DPYS: variants seen among roughly 807,000 people sequenced by gnomAD.
The protein encoded by DPYS is dihydropyrimidine amidohydrolase.
DPYS carries 39 observed loss-of-function variants against 50.3 expected under a neutral mutation model. That is an observed-to-expected ratio of 0.78 (90% CI 0.60 to 1.01). The LOEUF (loss-of-function observed/expected upper bound fraction) is 1.01, where lower values mean the gene tolerates loss of function less well. Ranked by LOEUF, DPYS falls within the 50% of genes least tolerant of loss-of-function variation. DPYS has a pLI of 0.00. For synonymous variants in DPYS, 245 were observed against 250.7 expected, an observed-to-expected ratio of 0.98 and a Z score of 0.22; for missense variants, 659 against 680.9, an observed-to-expected ratio of 0.97 and a Z score of 0.36.
chr8:104,459,362 A>G (rs372152174), intron 1 of DPYS, among the ~76,000 whole-genome samples: 5 of 152,336 alleles, frequency 3.3e-5, no homozygotes, highest in Middle Eastern at 3.4e-3. Context: ...ATTTATTATC[A>G]AAGTCCAGAC....
chr8:104,399,551 A>G (rs1364074716), intron 7 of DPYS, among the ~76,000 whole-genome samples: 1 of 151,994 alleles, frequency 6.6e-6, no homozygotes, highest in Non-Finnish European at 1.5e-5. Flanking sequence ...TTCTGGTGTC[A>G]GCACCCCAGT....
At chr8:104,426,045 T>C (rs1406477298) in intron 6 of DPYS, among the ~76,000 whole-genome samples, 1 of 152,126 alleles carries the variant, frequency 6.6e-6, no homozygotes, top group Non-Finnish European at 1.5e-5. Flanking sequence ...AAAACAGAAG[T>C]TCAAGTGGAA....
At chr8:104,395,432 C>G (rs1487878136) in intron 7 of DPYS, among the ~76,000 whole-genome samples, 1 of 152,214 alleles carries the variant, frequency 6.6e-6, no homozygotes, top group Non-Finnish European at 1.5e-5. Context: ...AGTGATACCA[C>G]TACCCTAGAC....
intron 4 of DPYS, among the ~76,000 whole-genome samples, chr8:104,434,524 C>T (rs1813062455): frequency 6.6e-6 from 1 of 152,174 alleles, no homozygotes; most frequent in Non-Finnish European, 1.5e-5. Flanking sequence ...TTTTGGTTTA[C>T]ACCTCTCTGC....
At chr8:104,447,151 G>C (rs1224583391) in intron 3 of DPYS, among the ~76,000 whole-genome samples, 173 bp downstream of exon 3, 2 of 152,182 alleles carry the variant, frequency 1.3e-5, no homozygotes, top group Non-Finnish European at 1.5e-5. Flanking sequence ...CAAGGAAATG[G>C]AGTTGGGAGT....
intron 4 of DPYS, among the ~76,000 whole-genome samples, chr8:104,431,801 A>G (rs2140656697): frequency 6.6e-6 from 1 of 152,324 alleles, no homozygotes; most frequent in South Asian, 2.1e-4. Context: ...TAATGTGCTC[A>G]ACACACACTG....
intron 7 of DPYS, among the ~76,000 whole-genome samples, chr8:104,412,600 TTCATA>T (rs1812222645): frequency 1.3e-5 from 2 of 152,156 alleles, no homozygotes; most frequent in Non-Finnish European, 2.9e-5. Context: ...TCCTCCCCCA[TTCATA>T]TTCCAGCTCC....
intron 7 of DPYS, chr8:104,420,618 T>C (rs971956550): frequency 6.8e-6 from 1 of 146,496 alleles, no homozygotes; most frequent in African/African-American, 2.5e-5. Context: ...AGAAGCAAGA[T>C]ATAGAGTAAG....
Position 104,392,789 on chromosome 8 carries a change from C to T in DPYS, c.1438G>A (p.Asp480Asn). The T allele has an allele frequency of 6.2e-7, 1 of 1,614,112 alleles. No individual in the cohort carries two copies. The highest frequency in any genetic ancestry group is 8.5e-7 in the Non-Finnish European group (1 of 1,179,994). ...TCCCACTGTGGCACACTCACCCGGT[C>T]TCGCTGCTTTATTCGTTTGTAAATA... ...EYIYKRIKQR[D>N]RTCTPTPVER... The change falls in exon 8 of 10, where the codon GAC becomes AAC. Residue 480 changes from aspartate to asparagine, a missense_variant. Physicochemically the swap from Asp to Asn is conservative, Grantham distance 23. Coordinates refer to ENST00000351513, the MANE Select transcript of DPYS (RefSeq NM_001385.3).
At chr8:104,413,203 G>A (rs1444446320) in intron 7 of DPYS, among the ~76,000 whole-genome samples, 1 of 151,940 alleles carries the variant, frequency 6.6e-6, no homozygotes, top group Non-Finnish European at 1.5e-5. Context: ...ATAGTATAAA[G>A]CAGTGAAAAT....
intron 7 of DPYS, among the ~76,000 whole-genome samples, chr8:104,417,018 C>G (rs1588425684): frequency 6.6e-6 from 1 of 152,152 alleles, no homozygotes; most frequent in East Asian, 1.9e-4. Context: ...TCATTTATCT[C>G]TATCTTCAAT....
chr8:104,398,822 T>C (rs1363195268), intron 7 of DPYS, among the ~76,000 whole-genome samples: 1 of 152,142 alleles, frequency 6.6e-6, no homozygotes, highest in Non-Finnish European at 1.5e-5. Flanking sequence ...TTCACTGTAA[T>C]GAAACATCCC....
rs775306462 is a variant in DPYS, at chr8:104,466,266, A to G, written c.264+391T>C. 2.0e-5 allele frequency among the ~76,000 whole-genome samples: 3 copies of G among 152,348 alleles called. 1 individual carries two copies. In the Middle Eastern group the frequency reaches 0.01, roughly 518 times the overall value. On this transcript the variant is annotated intron_variant, in intron 1 of 9. Coordinates refer to ENST00000351513, the MANE Select transcript of DPYS (RefSeq NM_001385.3). ...TGGCTGGAAGTGCCTACTTTAAAAA[A>G]AGATTCTAAAGAATGTATGGAAGAT...
intron 1 of DPYS, 135 bp downstream of exon 1, chr8:104,466,522 T>C: frequency 9.6e-7 from 1 of 1,041,798 alleles, no homozygotes; most frequent in Non-Finnish European, 1.3e-6. Flanking sequence ...CCGCCGGGGC[T>C]GCGCTCCTTC....
chr8:104,434,105 A>G (rs1005503121), intron 4 of DPYS, among the ~76,000 whole-genome samples: 3 of 152,296 alleles, frequency 2.0e-5, no homozygotes, highest in Non-Finnish European at 4.4e-5. Context: ...TAAGCTATAC[A>G]TTGTTCTGGA....
chr8:104,394,180 CTGAG>C (rs969607072), intron 7 of DPYS, among the ~76,000 whole-genome samples: 1 of 152,156 alleles, frequency 6.6e-6, no homozygotes, highest in African/African-American at 2.4e-5. Flanking sequence ...ATCGTCAAGG[CTGAG>C]TGAGTCTAAG....
chr8:104,398,956 G>A (rs1435522290), intron 7 of DPYS, among the ~76,000 whole-genome samples: 1 of 152,184 alleles, frequency 6.6e-6, no homozygotes, highest in Admixed American at 6.5e-5. Flanking sequence ...CATCTGATGA[G>A]CAGGCCATGC....
At chr8:104,446,052 A>T (rs376661675) in intron 3 of DPYS, among the ~76,000 whole-genome samples, 1 of 152,184 alleles carries the variant, frequency 6.6e-6, no homozygotes, top group African/African-American at 2.4e-5. Context: ...CTCAAAAAAT[A>T]ATAATAATAA....
At chr8:104,452,569 G>A (rs1588458069) in intron 1 of DPYS, among the ~76,000 whole-genome samples, 3 of 152,326 alleles carry the variant, frequency 2.0e-5, no homozygotes, top group East Asian at 3.9e-4. Flanking sequence ...AGGTCCAGGC[G>A]CCTTGGCCAT....
Sources: allele counts gnomAD v4.1 joint callset (sites outside exome capture counted in the v4.1 genomes callset), GRCh38; gene constraint gnomAD v4.1.1; transcripts MANE v1.5; gene names NCBI Gene and HGNC (gene_info 2026-07-23, HGNC 2026-07-21).